ASH1L: variants seen among roughly 807,000 people sequenced by gnomAD.
ASH1L encodes the protein ASH1 like histone lysine methyltransferase.
Under a neutral mutation model 269.0 loss-of-function variants are expected in ASH1L, and 23 were observed. That is an observed-to-expected ratio of 0.09 (90% CI 0.06 to 0.12). The LOEUF (loss-of-function observed/expected upper bound fraction) is 0.12, where lower values mean the gene tolerates loss of function less well. Among genes scored for constraint, ASH1L ranks in the 10% least tolerant of loss-of-function variants. The probability of loss-of-function intolerance (pLI) is 1.00; values close to 1 mark genes in which losing one functional copy is unlikely to be tolerated. For missense variants in ASH1L, 2,912 were observed against 3,567.8 expected (o/e 0.82, Z 4.68); for synonymous variants, 1,187 against 1,253.5 (o/e 0.95, Z 1.12).
chr1:155,510,542 T>C (rs566399518), intron 2 of ASH1L, among the ~76,000 whole-genome samples: 25 of 152,044 alleles, frequency 1.6e-4, no homozygotes, highest in African/African-American at 6.0e-4. Context: ...GAGCAGTAGG[T>C]ACAGTGTGCT....
At position 155,360,412 on chromosome 1, in the gene ASH1L, G is replaced by T; in HGVS notation, c.6687-3C>A. Reference sequence around the variant, plus strand: ...TCCGGTATACTCCATTAACAGACCTGTAAAGAGAGAAAACAGAGTTATAAA... The same window carrying T: ...TCCGGTATACTCCATTAACAGACCTTTAAAGAGAGAAAACAGAGTTATAAA... On this transcript the variant is annotated splice_polypyrimidine_tract_variant and splice_region_variant and intron_variant, in intron 12 of 27. Coordinates refer to ENST00000392403, the MANE Select transcript of ASH1L (RefSeq NM_018489.3). The T allele has an allele frequency of 6.4e-7, 1 of 1,572,690 alleles. No homozygotes were observed. The highest frequency in any genetic ancestry group is 8.7e-7 in the Non-Finnish European group (1 of 1,144,802).
intron 1 of ASH1L, among the ~76,000 whole-genome samples, chr1:155,543,784 T>C (rs2148894308): frequency 6.6e-6 from 1 of 151,800 alleles, no homozygotes; most frequent in South Asian, 2.1e-4. Context: ...ATTTAAAAAT[T>C]AGCTGAGCCT....
rs187743725 is a variant in ASH1L, at chr1:155,432,503, T to C, written c.5828+5824A>G. ...TGAAAAAATAAATGAATACATATTA[T>C]ATAACAAGTACTAGTGTAAGCTCCA... On this transcript the variant is annotated intron_variant, in intron 5 of 27. Transcript: ENST00000392403. Among the ~76,000 whole-genome samples, 609 of 152,290 alleles carry C rather than the reference T, an allele frequency of 4.0e-3. 1 individual carries two copies. Among genetic ancestry groups the C allele is most frequent in the Non-Finnish European group, 5.3e-3 (359 of 68,032 alleles).
chr1:155,558,902 G>A (rs1671779380), intron 1 of ASH1L, among the ~76,000 whole-genome samples: 1 of 149,768 alleles, frequency 6.7e-6, no homozygotes, highest in East Asian at 2.0e-4. Context: ...CTGGCGTACA[G>A]TGGTGGATCT....
intron 2 of ASH1L, among the ~76,000 whole-genome samples, chr1:155,498,089 C>T (rs567501284): frequency 6.6e-5 from 10 of 152,202 alleles, no homozygotes; most frequent in South Asian, 4.2e-4. Context: ...CATGGATAAA[C>T]TTTAAAGATA....
At chr1:155,559,805 TA>T (rs1671837084) in intron 1 of ASH1L, among the ~76,000 whole-genome samples, 1 of 152,150 alleles carries the variant, frequency 6.6e-6, no homozygotes. Flanking sequence ...GTCTCCTGCA[TA>T]GGATTAACTC....
At chr1:155,387,799 G>A (rs781373728) in intron 7 of ASH1L, among the ~76,000 whole-genome samples, 18 of 152,026 alleles carry the variant, frequency 1.2e-4, no homozygotes, top group Admixed American at 3.9e-4. Flanking sequence ...TTGTGTCTTC[G>A]CTGATTTCTT....
chr1:155,433,724 A>G (rs747585574), intron 5 of ASH1L: 1 of 1,601,362 alleles, frequency 6.2e-7, no homozygotes, highest in Non-Finnish European at 8.5e-7. Context: ...GTTCAGCCAA[A>G]CGACCATCTG....
chr1:155,528,435 CTTTT>C (rs55750350), intron 1 of ASH1L, among the ~76,000 whole-genome samples: 3 of 144,396 alleles, frequency 2.1e-5, no homozygotes, highest in East Asian at 2.0e-4. Context: ...ATTGCAATAG[CTTTT>C]TTTTTTTTTA....
At chr1:155,490,093 C>T (rs1258887274) in intron 2 of ASH1L, among the ~76,000 whole-genome samples, 16 of 151,660 alleles carry the variant, frequency 1.1e-4, no homozygotes, top group Admixed American at 1.0e-3. Flanking sequence ...CTCAGCCTCC[C>T]AAGTAGCTGG....
chr1:155,433,535 C>G (rs113634850), intron 5 of ASH1L: 20 of 1,610,482 alleles, frequency 1.2e-5, no homozygotes, highest in East Asian at 2.2e-5. Context: ...CACCGTCCCC[C>G]CTGGTGCCGT....
chr1:155,562,130 C>G, intron 1 of ASH1L, 23 bp downstream of exon 1: 1 of 1,460,342 alleles, frequency 6.8e-7, no homozygotes. Flanking sequence ...GGCCCGAATG[C>G]CGGCCCAAAT....
intron 6 of ASH1L, among the ~76,000 whole-genome samples, chr1:155,414,644 A>G (rs191675502): frequency 1.2e-4 from 18 of 152,256 alleles, no homozygotes; most frequent in African/African-American, 2.9e-4. Flanking sequence ...AAATATCTCA[A>G]AGTCCATGGT....
chr1:155,524,771 T>C (rs942745163), intron 1 of ASH1L, among the ~76,000 whole-genome samples: 1 of 151,890 alleles, frequency 6.6e-6, no homozygotes, highest in Non-Finnish European at 1.5e-5. Context: ...GCCCAGGAAG[T>C]TGAGGTTACA....
intron 1 of ASH1L, among the ~76,000 whole-genome samples, chr1:155,556,455 T>C (rs112097756): frequency 6.6e-6 from 1 of 151,686 alleles, no homozygotes; most frequent in Non-Finnish European, 1.5e-5. Context: ...TATATATATA[T>C]ATTTTTTGAG....
intron 2 of ASH1L, among the ~76,000 whole-genome samples, chr1:155,488,076 G>A (rs537693663): frequency 9.1e-4 from 138 of 151,010 alleles, no homozygotes; most frequent in African/African-American, 3.1e-3. Flanking sequence ...TAGTAAAGAC[G>A]GGGTTTCACC....
chr1:155,473,822 G>C (rs1349593777), intron 3 of ASH1L, among the ~76,000 whole-genome samples: 1 of 151,798 alleles, frequency 6.6e-6, no homozygotes, highest in Non-Finnish European at 1.5e-5. Flanking sequence ...AAGACATTTA[G>C]TCTTAACAAT....
At chr1:155,531,558 T>C (rs1346125967) in intron 1 of ASH1L, among the ~76,000 whole-genome samples, 2 of 152,088 alleles carry the variant, frequency 1.3e-5, no homozygotes, top group African/African-American at 4.8e-5. Context: ...GAAAAAAAAT[T>C]ATAAAACTTA....
chr1:155,433,501 C>T (rs1407165750), intron 5 of ASH1L: 5 of 1,610,298 alleles, frequency 3.1e-6, no homozygotes, highest in South Asian at 1.1e-5. Flanking sequence ...AGAGCAACTC[C>T]GATGGCACCT....
Sources: allele counts gnomAD v4.1 joint callset (sites outside exome capture counted in the v4.1 genomes callset), GRCh38; gene constraint gnomAD v4.1.1; transcripts MANE v1.5; gene names NCBI Gene and HGNC (gene_info 2026-07-23, HGNC 2026-07-21).